ZNF254: variants seen among roughly 807,000 people sequenced by gnomAD.
ZNF254 encodes the protein zinc finger protein 254.
Under a neutral mutation model 12.4 loss-of-function variants are expected in ZNF254, and 10 were observed. That is an observed-to-expected ratio of 0.80 (90% confidence interval 0.50 to 1.36). The LOEUF (loss-of-function observed/expected upper bound fraction) is 1.36. Ranked by LOEUF, ZNF254 falls within the 40% of genes most tolerant of loss-of-function variation. The pLI is 0.00. For missense variants in ZNF254, 996 were observed against 763.9 expected (o/e 1.30, Z -3.58); for synonymous variants, 305 against 253.4 (o/e 1.20, Z -1.93).
rs1427528342 is a variant in ZNF254, at chr19:24,126,732, C to G, written c.732C>G (p.Asn244Lys). The change falls in exon 4 of 4, where the codon AAC becomes AAG. Residue 244 changes from asparagine (N) to lysine (K), a missense_variant. Asn to Lys is a moderately conservative substitution (Grantham distance 94). Coordinates refer to ENST00000357002, the MANE Select transcript of ZNF254 (RefSeq NM_203282.4). The stretch of plus-strand genomic sequence containing the variant: ...AACCTTACAAATGTGAAGAATATAA[C>G]AAATCTCCTAAGCAACTCTCAACCC... The part of the protein sequence containing the change: ...EEKPYKCEEY[N>K]KSPKQLSTLT... 6.2e-7 allele frequency: 1 copy of G among 1,613,206 alleles called. No individual in the cohort carries two copies. Among genetic ancestry groups the G allele is most frequent in the Admixed American group, 1.7e-5 (1 of 59,832 alleles).
chr19:24,090,266 G>A (rs907074930), intron 1 of ZNF254, among the ~76,000 whole-genome samples: 2 of 151,956 alleles, frequency 1.3e-5, no homozygotes, highest in Admixed American at 6.6e-5. Flanking sequence ...AGTAAAATGC[G>A]CCTGAGACAC....
intron 1 of ZNF254, 170 bp from the exon 2 acceptor site, chr19:24,105,770 T>A (rs1973302040): frequency 1.8e-6 from 2 of 1,118,444 alleles, no homozygotes; most frequent in Non-Finnish European, 2.4e-6. Context: ...TTCTCAGAGT[T>A]AGAGAATACA....
chr19:24,087,906 GTTT>G (rs766484656), intron 1 of ZNF254, among the ~76,000 whole-genome samples: 114 of 126,360 alleles, frequency 9.0e-4, no homozygotes, highest in African/African-American at 2.7e-3. Flanking sequence ...CTAGGTTGTC[GTTT>G]TTTTTTTTTT....
chr19:24,120,525 A>G (rs936680168), intron 3 of ZNF254, among the ~76,000 whole-genome samples: 1 of 152,158 alleles, frequency 6.6e-6, no homozygotes, highest in African/African-American at 2.4e-5. Context: ...ATGCATCATC[A>G]TTATGATAGT....
intron 1 of ZNF254, among the ~76,000 whole-genome samples, chr19:24,045,496 C>T (rs56147653): frequency 6.6e-6 from 1 of 151,458 alleles, no homozygotes; most frequent in African/African-American, 2.4e-5. Flanking sequence ...GGTGAAACCC[C>T]GTCTCTACTA....
At chr19:24,109,858 A>G (rs1210807699) in intron 3 of ZNF254, among the ~76,000 whole-genome samples, 2 of 149,538 alleles carry the variant, frequency 1.3e-5, no homozygotes, top group African/African-American at 4.9e-5. Flanking sequence ...AGTAGCTGGG[A>G]TTACAGGCAT....
intron 1 of ZNF254, among the ~76,000 whole-genome samples, chr19:24,090,276 C>G (rs937137847): frequency 2.5e-4 from 38 of 152,036 alleles, no homozygotes; most frequent in African/African-American, 7.0e-4. Flanking sequence ...GCCTGAGACA[C>G]TCACTGGGGC....
At chr19:24,123,076 G>T (rs891906586) in intron 3 of ZNF254, among the ~76,000 whole-genome samples, 3 of 152,092 alleles carry the variant, frequency 2.0e-5, no homozygotes, top group African/African-American at 7.2e-5. Flanking sequence ...CAAAAATGCA[G>T]TGAGAAATTT....
intron 2 of ZNF254, among the ~76,000 whole-genome samples, chr19:24,069,166 C>G (rs1247927061): frequency 1.3e-5 from 2 of 151,844 alleles, no homozygotes; most frequent in Non-Finnish European, 2.9e-5. Context: ...GCCACCAAGC[C>G]CAGCTAATTT....
intron 2 of ZNF254, chr19:24,066,741 A>C (rs1971287901): frequency 6.6e-6 from 1 of 151,274 alleles, no homozygotes; most frequent in African/African-American, 2.4e-5. Flanking sequence ...AACAAATAAA[A>C]CCACAAAAAT....
chr19:24,037,534 A>G (rs972898686), intron 1 of ZNF254, among the ~76,000 whole-genome samples: 2 of 152,218 alleles, frequency 1.3e-5, no homozygotes. Context: ...CCTGGGCTCA[A>G]GCAGTTCTCC....
At chr19:24,106,493 A>G (rs1973348368) in intron 2 of ZNF254, 55 bp from the exon 3 acceptor site, 2 of 1,398,356 alleles carry the variant, frequency 1.4e-6, no homozygotes, top group Non-Finnish European at 2.0e-6. Context: ...CACATTACTA[A>G]GTTGGTAATT....
chr19:24,057,510 T>A (rs950378771), intron 2 of ZNF254, among the ~76,000 whole-genome samples: 8 of 152,240 alleles, frequency 5.3e-5, no homozygotes, highest in African/African-American at 1.9e-4. Context: ...GGGAACCTTA[T>A]AAATTCCTCG....
intron 3 of ZNF254, among the ~76,000 whole-genome samples, chr19:24,118,871 G>C (rs962285252): frequency 6.6e-6 from 1 of 152,030 alleles, no homozygotes; most frequent in Admixed American, 6.6e-5. Flanking sequence ...TAGCACTTTG[G>C]GGGGCTGAGT....
At chr19:24,124,765 TTC>T (rs1048195076) in intron 3 of ZNF254, among the ~76,000 whole-genome samples, 3 of 151,834 alleles carry the variant, frequency 2.0e-5, no homozygotes, top group Non-Finnish European at 2.9e-5. Context: ...ATCACTTTTT[TTC>T]TTTTTCTTTT....
intron 1 of ZNF254, among the ~76,000 whole-genome samples, chr19:24,090,995 C>A (rs1267294805): frequency 1.6e-5 from 2 of 128,778 alleles, no homozygotes; most frequent in African/African-American, 3.1e-5. Context: ...GTCGCCCAGG[C>A]TGGAGTGCAG....
chr19:24,081,312 A>G (rs1971837479), intron 2 of ZNF254, among the ~76,000 whole-genome samples: 1 of 152,094 alleles, frequency 6.6e-6, no homozygotes. Flanking sequence ...CTTTCAGTAG[A>G]TAAAGCCAAT....
upstream of ZNF254, among the ~76,000 whole-genome samples, chr19:24,085,426 A>ATATATATATATATATATAT (rs369443689): frequency 4.2e-4 from 44 of 105,632 alleles, 1 homozygote; most frequent in East Asian, 5.7e-4. Flanking sequence ...ATATATATAT[A>ATATATATATATATATATAT]AAAACTAAGA....
At chr19:24,092,420 C>T (rs939519688) in intron 1 of ZNF254, among the ~76,000 whole-genome samples, 2 of 149,580 alleles carry the variant, frequency 1.3e-5, no homozygotes, top group Non-Finnish European at 3.0e-5. Context: ...TCCACCCTCC[C>T]CCCCGGCCTC....
Sources: allele counts gnomAD v4.1 joint callset (sites outside exome capture counted in the v4.1 genomes callset), GRCh38; gene constraint gnomAD v4.1.1; transcripts MANE v1.5; gene names NCBI Gene and HGNC (gene_info 2026-07-23, HGNC 2026-07-21).